FGF14: variants seen among roughly 807,000 people sequenced by gnomAD.
FGF14 encodes the protein fibroblast growth factor 14.
In FGF14, 5 loss-of-function variants were observed where a neutral mutation model predicts 25.5. The observed-to-expected ratio is 0.20, with a 90% CI of 0.10 to 0.41. The LOEUF is 0.41. Among genes scored for constraint, FGF14 ranks in the 10% least tolerant of loss-of-function variants. The pLI is 1.00. For missense variants in FGF14, 222 were observed against 320.1 expected (o/e 0.69, Z 2.34); for synonymous variants, 138 against 118.3 (o/e 1.17, Z -1.08).
intron 1 of FGF14, among the ~76,000 whole-genome samples, chr13:101,943,888 G>C (rs910356685): frequency 1.3e-5 from 2 of 148,568 alleles, no homozygotes; most frequent in Non-Finnish European, 3.0e-5. Flanking sequence ...TGTAATCCCA[G>C]GTACTGGGGA....
At chr13:102,380,177 T>C (rs1309146365) in intron 1 of FGF14, among the ~76,000 whole-genome samples, 1 of 152,046 alleles carries the variant, frequency 6.6e-6, no homozygotes, top group Admixed American at 6.6e-5. Context: ...GGAACTGACA[T>C]TCCATGGAAC....
At chr13:102,119,628 A>C (rs2045627289) in intron 1 of FGF14, among the ~76,000 whole-genome samples, 1 of 152,200 alleles carries the variant, frequency 6.6e-6, no homozygotes. Context: ...TAAATAATAT[A>C]TATGTATGTC....
intron 3 of FGF14, among the ~76,000 whole-genome samples, chr13:101,788,925 GAGAGAGAGAGAGAGAGAGAGAGAC>G (rs1398641311): frequency 0.027 from 841 of 30,958 alleles, 18 homozygotes; most frequent in Non-Finnish European, 0.048. Context: ...GAGAGAGAGA[GAGAGAGAGAGAGAGAGAGAGAGAC>G]AGAGAGAGAG....
At chr13:102,330,291 T>C (rs994603576) in intron 1 of FGF14, among the ~76,000 whole-genome samples, 6 of 152,208 alleles carry the variant, frequency 3.9e-5, no homozygotes, top group African/African-American at 1.2e-4. Context: ...TCTGTGCTCC[T>C]ATCCGCTGCC....
intron 1 of FGF14, among the ~76,000 whole-genome samples, chr13:102,019,721 T>A (rs1357328286): frequency 6.6e-6 from 1 of 152,174 alleles, no homozygotes; most frequent in Non-Finnish European, 1.5e-5. Context: ...GTAATTAAAT[T>A]CTCTTCATGT....
At chr13:102,124,306 A>C (rs925914974) in intron 1 of FGF14, among the ~76,000 whole-genome samples, 1 of 152,096 alleles carries the variant, frequency 6.6e-6, no homozygotes, top group African/African-American at 2.4e-5. Context: ...AGGAAAGCAT[A>C]ATTTATGGAA....
At chr13:102,082,484 C>T (rs1432609589) in intron 1 of FGF14, among the ~76,000 whole-genome samples, 1 of 152,122 alleles carries the variant, frequency 6.6e-6, no homozygotes, top group Non-Finnish European at 1.5e-5. Context: ...TCAACAACCA[C>T]AACAAAAATG....
intron 1 of FGF14, among the ~76,000 whole-genome samples, chr13:102,094,203 T>A (rs2044291880): frequency 1.3e-5 from 2 of 151,666 alleles, no homozygotes; most frequent in African/African-American, 2.4e-5. Context: ...AGATACAGAA[T>A]TGCTATAAGA....
At position 101,714,178 on chromosome 13, in the gene FGF14, A is replaced by G. The variant is rs986166777; in HGVS notation, c.*8653T>C. 4.7e-6 allele frequency: 2 copies of G among 422,514 alleles called. No individual in the cohort carries two copies. The highest frequency in any genetic ancestry group is 4.0e-5 in the African/African-American group (2 of 50,090). The allele number at this position is 422,514 out of a possible 1,614,324, so 26.2% of individuals were successfully genotyped here. ...AATCAACCCCATCCTGCTCTCATTG[A>G]CATTTCAACCAGACTGGGCCATGGG... On this transcript the variant is annotated 3_prime_UTR_variant, in exon 5 of 5. Transcript: ENST00000376143.
At position 102,108,413 on chromosome 13, in the gene FGF14, T is replaced by C. The variant is rs111909898; in HGVS notation, c.209-233117A>G. Among the ~76,000 whole-genome samples the C allele has an allele frequency of 9.3e-3, 1,407 of 151,790 alleles. 23 individuals carry two copies. The highest frequency in any genetic ancestry group is 0.032 in the African/African-American group (1,323 of 41,364). On this transcript the variant is annotated intron_variant, in intron 1 of 4. Coordinates refer to the FGF14 transcript ENST00000376131. ...ACACAGAATTACATAGTAGTAGATA[T>C]CGGTCAAACAAGCAAAGGGTTAGAA...
intron 1 of FGF14, among the ~76,000 whole-genome samples, chr13:102,276,170 A>G (rs1268877169): frequency 6.6e-6 from 1 of 151,518 alleles, no homozygotes; most frequent in East Asian, 1.9e-4. Context: ...TGAGAATTGC[A>G]TAATTCTGAG....
At chr13:102,168,414 G>A (rs559107297) in intron 1 of FGF14, among the ~76,000 whole-genome samples, 23 of 152,108 alleles carry the variant, frequency 1.5e-4, no homozygotes, top group African/African-American at 5.5e-4. Context: ...CCTGACCTCA[G>A]GTGATCTGCC....
intron 3 of FGF14, among the ~76,000 whole-genome samples, chr13:101,821,017 G>T (rs1379517848): frequency 1.4e-5 from 2 of 145,348 alleles, no homozygotes; most frequent in South Asian, 2.4e-4. Flanking sequence ...GCATGATCTC[G>T]GCTCACTGCA....
chr13:101,816,911 C>T (rs763473735), intron 3 of FGF14, among the ~76,000 whole-genome samples: 2 of 152,128 alleles, frequency 1.3e-5, no homozygotes, highest in Non-Finnish European at 2.9e-5. Context: ...ATACTTGTTA[C>T]TTTGCTAAGC....
rs574252150 is a variant in FGF14 at position 102,166,493 on chromosome 13, T to C, written c.208+234978A>G. On this transcript the variant is annotated intron_variant, in intron 1 of 4. Transcript: ENST00000376131. ...AACATGGCAACGCTCTGCCTTCTTG[T>C]TTCAGCTCTCATACCGTGCACAAGT... Among the ~76,000 whole-genome samples, 4 of 152,272 alleles carry C rather than the reference T, an allele frequency of 2.6e-5. No individual in the cohort carries two copies. In the South Asian group the frequency reaches 8.3e-4, roughly 32 times the overall value.
Position 102,178,799 on chromosome 13 carries a change from A to G in FGF14, c.208+222672T>C, listed in dbSNP as rs548533370. Among the ~76,000 whole-genome samples, 34 of 152,120 alleles carry G rather than the reference A, an allele frequency of 2.2e-4. 1 individual carries two copies. Among genetic ancestry groups the G allele is most frequent in the African/African-American group, 8.2e-4 (34 of 41,532 alleles). On this transcript the variant is annotated intron_variant, in intron 1 of 4. Transcript: ENST00000376131. The stretch of plus-strand genomic sequence containing the variant: ...AAATACATCTCACAAAAGTTGTGAG[A>G]TATATATATGTGTGTGTGTATATAT...
intron 3 of FGF14, among the ~76,000 whole-genome samples, chr13:101,754,984 T>C (rs1428999575): frequency 6.6e-6 from 1 of 152,162 alleles, no homozygotes; most frequent in Non-Finnish European, 1.5e-5. Context: ...CCTAAGAACT[T>C]ATACGGCATA....
chr13:101,974,790 C>T (rs570136304), intron 1 of FGF14, among the ~76,000 whole-genome samples: 4 of 152,188 alleles, frequency 2.6e-5, no homozygotes, highest in South Asian at 2.1e-4. Context: ...TTGGATAATA[C>T]GCAAAATCAA....
chr13:102,262,195 T>C (rs1240014161), intron 1 of FGF14, among the ~76,000 whole-genome samples: 8 of 152,114 alleles, frequency 5.3e-5, no homozygotes, highest in Admixed American at 3.9e-4. Flanking sequence ...AAATAAAGCA[T>C]GTTAAGGTTA....
Sources: allele counts gnomAD v4.1 joint callset (sites outside exome capture counted in the v4.1 genomes callset), GRCh38; gene constraint gnomAD v4.1.1; transcripts MANE v1.5; gene names NCBI Gene and HGNC (gene_info 2026-07-23, HGNC 2026-07-21).